Variants in CHL1 observed in about 807,000 individuals in gnomAD.
The protein encoded by CHL1 is cell adhesion molecule L1 like, also known as neural cell adhesion molecule L1-like protein.
In CHL1, 96 loss-of-function variants were observed where a neutral mutation model predicts 141.9. The ratio of observed to expected loss-of-function variants is 0.68; its 90% CI spans 0.57 to 0.80. The LOEUF (loss-of-function observed/expected upper bound fraction) is 0.80. Among genes scored for constraint, CHL1 ranks in the 30% least tolerant of loss-of-function variants. The pLI is 0.00. For synonymous variants in CHL1, 613 were observed against 502.2 expected, an observed-to-expected ratio of 1.22 and a Z score of -2.95; for missense variants, 1,820 against 1,457.2, an observed-to-expected ratio of 1.25 and a Z score of -4.05.
chr3:312,431 G>C (rs1699829545), intron 2 of CHL1, among the ~76,000 whole-genome samples: 2 of 152,176 alleles, frequency 1.3e-5, no homozygotes, highest in African/African-American at 4.8e-5. Flanking sequence ...CAGGATTACT[G>C]TGTTTATGAC....
At chr3:314,669 A>C (rs1700030629) in intron 2 of CHL1, among the ~76,000 whole-genome samples, 1 of 151,646 alleles carries the variant, frequency 6.6e-6, no homozygotes, top group Non-Finnish European at 1.5e-5. Flanking sequence ...GATGATGGGG[A>C]TGATGGGCAA....
At chr3:386,595 T>C (rs983563814) in intron 19 of CHL1, among the ~76,000 whole-genome samples, 9 of 152,298 alleles carry the variant, frequency 5.9e-5, no homozygotes, top group South Asian at 2.1e-4. Flanking sequence ...AATTTTTAAC[T>C]TTGCTCAGCA....
At chr3:375,535 G>A (rs1706205703) in intron 15 of CHL1, among the ~76,000 whole-genome samples, 1 of 151,706 alleles carries the variant, frequency 6.6e-6, no homozygotes, top group Admixed American at 6.6e-5. Context: ...AACAAATTAG[G>A]AAATAAGGTA....
At chr3:383,793 T>C (rs767414220) in intron 18 of CHL1, 23 bp from the exon 19 acceptor site, 30 of 1,577,192 alleles carry the variant, frequency 1.9e-5, no homozygotes, top group Non-Finnish European at 2.5e-5. Flanking sequence ...GGAAAAATAA[T>C]GTTAATGTTT....
chr3:240,484 A>G (rs189114673), intron 1 of CHL1, among the ~76,000 whole-genome samples: 1 of 152,120 alleles, frequency 6.6e-6, no homozygotes, highest in East Asian at 1.9e-4. Flanking sequence ...AGTTCCTTGT[A>G]GATTCTGGAT....
intron 1 of CHL1, among the ~76,000 whole-genome samples, chr3:233,146 T>G (rs1702012776): frequency 6.6e-6 from 1 of 152,138 alleles, no homozygotes; most frequent in South Asian, 2.1e-4. Flanking sequence ...TTACTACAAA[T>G]CCACGATGGT....
intron 27 of CHL1, among the ~76,000 whole-genome samples, chr3:403,879 T>C (rs1575312624): frequency 1.3e-5 from 2 of 152,240 alleles, no homozygotes; most frequent in East Asian, 3.8e-4. Context: ...CTTCTGATAA[T>C]CATCCCTTTT....
chr3:355,274 CCAAGT>C (rs1277208390), intron 11 of CHL1, among the ~76,000 whole-genome samples: 1 of 152,132 alleles, frequency 6.6e-6, no homozygotes, highest in African/African-American at 2.4e-5. Flanking sequence ...AGGAGGCATC[CCAAGT>C]CTGAACATGG....
At chr3:343,154 A>G in intron 8 of CHL1, 123 bp downstream of exon 8, 1 of 700,442 alleles carries the variant, frequency 1.4e-6, no homozygotes, top group Non-Finnish European at 2.3e-6. Flanking sequence ...AAAACATCTG[A>G]ACTTAGAGGG....
At chr3:293,513 T>TA (rs1559211420) in intron 2 of CHL1, among the ~76,000 whole-genome samples, 26 of 151,984 alleles carry the variant, frequency 1.7e-4, no homozygotes, top group East Asian at 9.7e-4. Context: ...AAAAAAAATT[T>TA]TAAAAAAACC....
intron 2 of CHL1, among the ~76,000 whole-genome samples, chr3:316,144 A>T (rs923427128): frequency 6.6e-6 from 1 of 151,996 alleles, no homozygotes; most frequent in African/African-American, 2.4e-5. Context: ...CTTACTGTAC[A>T]TGTGGCTGGG....
In CHL1 at chr3:325,991, A is replaced by G. The variant is rs1302747617; in HGVS notation, c.124A>G (p.Lys42Glu). 14 of 1,611,676 alleles carry G rather than the reference A, an allele frequency of 8.7e-6. No homozygotes were observed. The highest frequency in any genetic ancestry group is 1.3e-5 in the African/African-American group (1 of 74,802). Reference sequence around the variant, plus strand: ...GGTTCCAACAATCATAAAACAGTCAAAAGTCCAAGTTGCCTTTCCCTTCGA... The same window carrying G: ...GGTTCCAACAATCATAAAACAGTCAGAAGTCCAAGTTGCCTTTCCCTTCGA... Reference protein sequence around the residue: ...QQVPTIIKQSKVQVAFPFDEY... With the variant: ...QQVPTIIKQSEVQVAFPFDEY... The change falls in exon 4 of 28, where the codon AAA becomes GAA. Residue 42 changes from lysine to glutamate, a missense_variant. Lys to Glu is a moderately conservative substitution (Grantham distance 56, BLOSUM62 1). Coordinates refer to ENST00000256509, the MANE Select transcript of CHL1 (RefSeq NM_006614.4).
chr3:239,930 C>T (rs937894493), intron 1 of CHL1, among the ~76,000 whole-genome samples: 1 of 152,280 alleles, frequency 6.6e-6, no homozygotes, highest in Admixed American at 6.5e-5. Context: ...TTAATTTCCT[C>T]CTTTCATGGC....
intron 15 of CHL1, 44 bp from the exon 16 acceptor site, chr3:377,774 C>A: frequency 6.6e-7 from 1 of 1,519,146 alleles, no homozygotes; most frequent in Admixed American, 1.9e-5. Context: ...TCTATCATTT[C>A]TATTGTTTTC....
Position 325,959 on chromosome 3 carries a change from T to C in CHL1, c.92T>C (p.Val31Ala), listed in dbSNP as rs761552515. ...FSKAIEIPSS[V>A]QQVPTIIKQS... ...TTTAAGTACATATTTTAATATTTAG[T>C]TCAACAGGTTCCAACAATCATAAAA... is the stretch of plus-strand genomic sequence containing the variant. The change falls in exon 4 of 28, where the codon GTT (valine) becomes GCT (alanine). Residue 31 changes from valine (V) to alanine (A), a missense_variant and splice_region_variant. Coordinates refer to ENST00000256509, the MANE Select transcript of CHL1 (RefSeq NM_006614.4). 5 of 1,600,060 alleles carry C rather than the reference T, an allele frequency of 3.1e-6. No individual in the cohort carries two copies. The South Asian group carries it at 5.5e-5, about 18-fold the overall frequency.
At position 405,571 on chromosome 3, in the gene CHL1, A is replaced by T. The variant is rs767316427; in HGVS notation, c.3535A>T (p.Ser1179Cys). 6 of 1,613,526 alleles carry T rather than the reference A, an allele frequency of 3.7e-6. No individual in the cohort carries two copies. Among genetic ancestry groups the T allele is most frequent in the Non-Finnish European group, 5.1e-6 (6 of 1,179,570 alleles). ...RDMQPTESADSLVEYGEGDHG... is the reference protein window; with the variant it reads ...RDMQPTESADCLVEYGEGDHG... ...TATGCAGCCTACTGAAAGTGCTGACAGCTTAGTCGAATACGGAGAGGGAGA... is the reference window on the plus strand; with the variant it reads ...TATGCAGCCTACTGAAAGTGCTGACTGCTTAGTCGAATACGGAGAGGGAGA... The change falls in exon 28 of 28, where the codon AGC becomes TGC. Residue 1179 changes from serine (S) to cysteine (C), a missense_variant. By Grantham distance (112) the Ser-to-Cys change is moderately radical. Coordinates refer to ENST00000256509, the MANE Select transcript of CHL1 (RefSeq NM_006614.4).
chr3:197,690 TGGGGTTGG>T (rs1559254582), intron 1 of CHL1: 1 of 413,186 alleles, frequency 2.4e-6, no homozygotes, highest in Non-Finnish European at 4.8e-6. Flanking sequence ...CGTGGGGTTG[TGGGGTTGG>T]GGAGCACGAA....
In CHL1 at chr3:407,291, C is replaced by T. The variant is rs372834229; in HGVS notation, c.*1580C>T. 2.6e-5 allele frequency: 4 copies of T among 151,964 alleles called. No homozygotes were observed. In the South Asian group the frequency reaches 8.3e-4, roughly 31 times the overall value. The allele number at this position is 151,964 out of a possible 1,614,324, so 9.4% of individuals were successfully genotyped here. On this transcript the variant is annotated 3_prime_UTR_variant, in exon 28 of 28. Transcript: ENST00000256509. ...ATCCTCAACTTGGATTTATGGTAAC[C>T]CCTTATAGTTCATGGAGACCAAAAT...
chr3:257,234 A>T (rs892127882), intron 2 of CHL1, among the ~76,000 whole-genome samples: 67 of 152,300 alleles, frequency 4.4e-4, no homozygotes, highest in African/African-American at 1.5e-3. Flanking sequence ...ATTTAAAAAA[A>T]ATTTAGTTCT....
Sources: allele counts gnomAD v4.1 joint callset (sites outside exome capture counted in the v4.1 genomes callset), GRCh38; gene constraint gnomAD v4.1.1; transcripts MANE v1.5; gene names NCBI Gene and HGNC (gene_info 2026-07-23, HGNC 2026-07-21).